Variants in LDLRAD4 observed in about 807,000 individuals in gnomAD.
LDLRAD4 encodes low-density lipoprotein receptor class A domain-containing protein 4.
In LDLRAD4, 5 loss-of-function variants were observed where a neutral mutation model predicts 17.0. That is an observed-to-expected ratio of 0.29 (90% confidence interval 0.15 to 0.62). The LOEUF (loss-of-function observed/expected upper bound fraction) is 0.62, where lower values mean the gene tolerates loss of function less well. LDLRAD4 is among the 20% of genes least tolerant of loss of function. The probability of loss-of-function intolerance (pLI) is 0.84; values close to 1 mark genes in which losing one functional copy is unlikely to be tolerated. For missense variants in LDLRAD4, 340 were observed against 424.7 expected, an observed-to-expected ratio of 0.80 and a Z score of 1.75; for synonymous variants, 168 against 171.8, an observed-to-expected ratio of 0.98 and a Z score of 0.17.
At chr18:13,419,835 C>G (rs1161532400) in intron 2 of LDLRAD4, 1 of 152,156 alleles carries the variant, frequency 6.6e-6, no homozygotes, top group Non-Finnish European at 1.5e-5. Context: ...ACTGGATGTA[C>G]CCTCACGTGC....
intron 2 of LDLRAD4, among the ~76,000 whole-genome samples, chr18:13,437,526 G>A (rs985126139): frequency 3.9e-5 from 6 of 152,148 alleles, no homozygotes; most frequent in African/African-American, 1.4e-4. Flanking sequence ...ATATTGATTC[G>A]TACAGACTTT....
At chr18:13,450,325 C>CG (rs2091730420) in intron 3 of LDLRAD4, among the ~76,000 whole-genome samples, 1 of 89,736 alleles carries the variant, frequency 1.1e-5, no homozygotes, top group African/African-American at 4.9e-5. Flanking sequence ...TCTCTCCCCC[C>CG]ACCCCCCCCC....
intron 2 of LDLRAD4, among the ~76,000 whole-genome samples, chr18:13,421,843 T>C (rs1162631214): frequency 6.6e-6 from 1 of 152,222 alleles, no homozygotes; most frequent in Non-Finnish European, 1.5e-5. Flanking sequence ...GCCAGAAAGC[T>C]AGCCTGGGGG....
chr18:13,636,744 C>CCA (rs1386187298), intron 4 of LDLRAD4, among the ~76,000 whole-genome samples: 2 of 151,800 alleles, frequency 1.3e-5, no homozygotes, highest in East Asian at 1.9e-4. Flanking sequence ...AGGTGATTTG[C>CCA]CTGCCTTGGC....
intron 1 of LDLRAD4, among the ~76,000 whole-genome samples, chr18:13,311,960 T>TA (rs2047261669): frequency 6.6e-6 from 1 of 151,604 alleles, no homozygotes; most frequent in Non-Finnish European, 1.5e-5. Flanking sequence ...GCCTCCCGAG[T>TA]AGCTGGGACT....
intron 3 of LDLRAD4, among the ~76,000 whole-genome samples, chr18:13,576,155 G>T (rs1360953372): frequency 6.6e-6 from 1 of 152,126 alleles, no homozygotes; most frequent in East Asian, 1.9e-4. Context: ...CGGGCGCAGT[G>T]GCTCACGCCT....
At chr18:13,543,787 G>A (rs989471152) in intron 3 of LDLRAD4, among the ~76,000 whole-genome samples, 3 of 152,108 alleles carry the variant, frequency 2.0e-5, no homozygotes, top group African/African-American at 7.2e-5. Context: ...TGTGCCCTTG[G>A]GAAAGTCAGT....
rs1008045934 is a variant in LDLRAD4 at position 13,511,309 on chromosome 18, C to T, written c.181+72925C>T. On this transcript the variant is annotated intron_variant, in intron 3 of 5. Coordinates refer to ENST00000359446, the Ensembl canonical transcript of LDLRAD4. ...CAGCACTTTGGGAGGCTGAGGCGGG[C>T]GGATCATGAGGTCAGGCGTTCAAGA... is the stretch of plus-strand genomic sequence containing the variant. 3.3e-5 allele frequency among the ~76,000 whole-genome samples: 5 copies of T among 152,122 alleles called. No homozygotes were observed. The East Asian group carries it at 5.8e-4, about 18-fold the overall frequency.
intron 3 of LDLRAD4, chr18:13,614,480 A>C (rs1222449320): frequency 2.0e-5 from 3 of 152,162 alleles, no homozygotes; most frequent in African/African-American, 4.8e-5. Context: ...AGAGTAGCCA[A>C]CCCACCTCCA....
chr18:13,338,843 G>A (rs1320519578), intron 1 of LDLRAD4, among the ~76,000 whole-genome samples: 1 of 152,192 alleles, frequency 6.6e-6, no homozygotes, highest in Non-Finnish European at 1.5e-5. Context: ...AGATGATGCT[G>A]TTTTAAAATG....
At chr18:13,592,073 C>T (rs1484779109) in intron 3 of LDLRAD4, among the ~76,000 whole-genome samples, 6 of 152,150 alleles carry the variant, frequency 3.9e-5, no homozygotes, top group Admixed American at 6.5e-5. Context: ...TTATAACCTT[C>T]GACCTTGAAA....
chr18:13,317,982 A>G (rs892544503), intron 1 of LDLRAD4, among the ~76,000 whole-genome samples: 5 of 152,112 alleles, frequency 3.3e-5, no homozygotes, highest in African/African-American at 2.4e-5. Flanking sequence ...TGAATTTCAC[A>G]TTATGTTAAA....
intron 1 of LDLRAD4, among the ~76,000 whole-genome samples, chr18:13,234,196 G>A (rs2042222534): frequency 6.6e-6 from 1 of 152,280 alleles, no homozygotes; most frequent in East Asian, 1.9e-4. Flanking sequence ...AGTGACCCTT[G>A]TAATCCCTGA....
intron 1 of LDLRAD4, among the ~76,000 whole-genome samples, chr18:13,350,201 G>A (rs1276567344): frequency 2.0e-5 from 3 of 152,242 alleles, no homozygotes; most frequent in Non-Finnish European, 2.9e-5. Flanking sequence ...TTGAGGAATC[G>A]CCACACTGTC....
intron 3 of LDLRAD4, among the ~76,000 whole-genome samples, chr18:13,591,428 G>GTA (rs1360844136): frequency 2.9e-5 from 1 of 34,532 alleles, no homozygotes; most frequent in Non-Finnish European, 5.7e-5. Context: ...GTGTGTGTGT[G>GTA]TGTCTGTGTG....
intron 2 of LDLRAD4, among the ~76,000 whole-genome samples, chr18:13,432,785 C>T (rs1158989981): frequency 2.0e-5 from 3 of 152,172 alleles, no homozygotes; most frequent in Non-Finnish European, 2.9e-5. Flanking sequence ...GGCGTGATCT[C>T]GGCTCACTGC....
At chr18:13,282,509 A>G (rs1279287680) in intron 1 of LDLRAD4, among the ~76,000 whole-genome samples, 3 of 152,208 alleles carry the variant, frequency 2.0e-5, no homozygotes, top group Non-Finnish European at 2.9e-5. Context: ...TGCAAGTCCA[A>G]AATCCAGCGA....
intron 3 of LDLRAD4, among the ~76,000 whole-genome samples, chr18:13,457,344 C>G (rs2092194415): frequency 6.6e-6 from 1 of 152,188 alleles, no homozygotes; most frequent in South Asian, 2.1e-4. Context: ...GATGTGGAGT[C>G]CTGTGCCCTC....
intron 2 of LDLRAD4, among the ~76,000 whole-genome samples, chr18:13,430,398 G>A (rs748682160): frequency 3.3e-5 from 5 of 152,216 alleles, no homozygotes; most frequent in Non-Finnish European, 7.3e-5. Context: ...GCTCGGCACA[G>A]TTGACTTTCC....
Sources: gnomAD v4.1 joint callset for allele counts (sites outside exome capture counted in the v4.1 genomes callset) on GRCh38, gnomAD v4.1.1 for gene constraint, MANE v1.5 for transcripts, NCBI Gene and HGNC (gene_info 2026-07-23, HGNC 2026-07-21) for gene names.